The following SLC12A5 variants were observed in gnomAD, a reference collection of about 807,000 sequenced individuals.
SLC12A5 encodes K-Cl cotransporter 2.
SLC12A5 carries 18 observed loss-of-function variants against 124.0 expected under a neutral mutation model. The ratio of observed to expected loss-of-function variants is 0.15; its 90% CI spans 0.10 to 0.22. SLC12A5 has a LOEUF of 0.22. SLC12A5 is among the 10% of genes least tolerant of loss of function. SLC12A5 has a pLI of 1.00. For missense variants in SLC12A5, 867 were observed against 1,478.7 expected (o/e 0.59, Z 6.78); for synonymous variants, 589 against 568.0 (o/e 1.04, Z -0.53).
chr20:46,044,311 G>T (rs1273313508), intron 11 of SLC12A5, among the ~76,000 whole-genome samples: 1 of 152,106 alleles, frequency 6.6e-6, no homozygotes, highest in African/African-American at 2.4e-5. Context: ...TTGTACTGAA[G>T]GAGCTCTTCT....
chr20:46,047,593 G>T lies in SLC12A5; in HGVS notation c.1907+20G>T, dbSNP rs769410582. ...CCGTGGGTGAGTGTGGGGAGTGGAG[G>T]TTGGGGTGGCTGGGGAAGGCTGAAG... On this transcript the variant is annotated intron_variant, in intron 15 of 25. Coordinates refer to ENST00000243964, the MANE Select transcript of SLC12A5 (RefSeq NM_020708.5). 1.9e-6 allele frequency: 3 copies of T among 1,609,724 alleles called. No individual in the cohort carries two copies. Among genetic ancestry groups the T allele is most frequent in the Non-Finnish European group, 2.5e-6 (3 of 1,176,800 alleles).
intron 18 of SLC12A5, 47 bp downstream of exon 18, chr20:46,051,917 C>G: frequency 7.5e-7 from 1 of 1,335,690 alleles, no homozygotes; most frequent in Non-Finnish European, 1.0e-6. Context: ...GGGCTGGGGG[C>G]TGTAGAGGGG....
chr20:46,035,156 T>TCTACCTTCTTCCTTGAGC (rs2084486086), intron 2 of SLC12A5, 114 bp downstream of exon 2: 1 of 1,148,532 alleles, frequency 8.7e-7, no homozygotes, highest in Admixed American at 1.9e-5. Context: ...CTCCCTTGAG[T>TCTACCTTCTTCCTTGAGC]CTACCTTCTT....
rs924622645 is a variant in SLC12A5, at chr20:46,059,399, A to G, written c.*1794A>G. Reference sequence around the variant, plus strand: ...GAGATTCGATCAGGGGACTGGATAGATTCTTTCAGGTACTCAATCAGGAAG... The same window carrying G: ...GAGATTCGATCAGGGGACTGGATAGGTTCTTTCAGGTACTCAATCAGGAAG... On this transcript the variant is annotated 3_prime_UTR_variant, in exon 26 of 26. Transcript: ENST00000243964. 7 of 395,594 alleles carry G rather than the reference A, an allele frequency of 1.8e-5. No homozygotes were observed. Among genetic ancestry groups the G allele is most frequent in the Non-Finnish European group, 2.7e-5 (6 of 224,776 alleles). The allele number at this position is 395,594 out of a possible 1,614,324, so 24.5% of individuals were successfully genotyped here.
chr20:46,043,364 G>T, intron 9 of SLC12A5, 41 bp downstream of exon 9: 1 of 1,597,326 alleles, frequency 6.3e-7, no homozygotes, highest in Non-Finnish European at 8.6e-7. Flanking sequence ...GCCTGTGAGT[G>T]GATGGGGAAG....
chr20:46,058,796 G>A lies in SLC12A5; in HGVS notation c.*1191G>A, dbSNP rs951723063. The A allele has an allele frequency of 1.0e-5, 4 of 398,000 alleles. No individual in the cohort carries two copies. In the Admixed American group the frequency reaches 1.8e-4, roughly 18 times the overall value. The allele number at this position is 398,000 out of a possible 1,614,324, so 24.7% of individuals were successfully genotyped here. Reference sequence around the variant, plus strand: ...GGACCCACTGAGAGGCCCCAGAGCCGCCCGTGATGTTCCTCCCCCGTCCCC... The same window carrying A: ...GGACCCACTGAGAGGCCCCAGAGCCACCCGTGATGTTCCTCCCCCGTCCCC... On this transcript the variant is annotated 3_prime_UTR_variant, in exon 26 of 26. Coordinates refer to ENST00000243964, the MANE Select transcript of SLC12A5 (RefSeq NM_020708.5). This position sits in a 1 kb window ranked among gnomAD's most constrained non-coding sequence, Gnocchi z 5.8.
At chr20:46,022,183 C>A in intron 1 of SLC12A5, 2 of 269,626 alleles carry the variant, frequency 7.4e-6, no homozygotes, top group Non-Finnish European at 1.4e-5. Context: ...ATGGAAAGGC[C>A]GGGGTCAAGG....
exon 2 of SLC12A5, chr20:46,022,947 G>C: frequency 3.0e-6 from 1 of 330,206 alleles, no homozygotes; most frequent in Non-Finnish European, 4.9e-6. Context: ...AGCGAGGGGA[G>C]GAGGAGGAGG....
chr20:46,037,452 C>T, intron 6 of SLC12A5, 67 bp downstream of exon 6: 1 of 1,512,466 alleles, frequency 6.6e-7, no homozygotes, highest in Non-Finnish European at 8.9e-7. Flanking sequence ...GCTCCCTGGA[C>T]ACCTCCTATA....
At chr20:46,040,773 G>C (rs766655380) in intron 7 of SLC12A5, 159 bp downstream of exon 7, 187 of 1,180,046 alleles carry the variant, frequency 1.6e-4, no homozygotes, top group Non-Finnish European at 2.1e-4. Flanking sequence ...TTAGTTTGGG[G>C]GCAATCTCTT....
chr20:46,051,648 G>C (rs748032569), intron 17 of SLC12A5, 27 bp from the exon 18 acceptor site: 131 of 1,591,830 alleles, frequency 8.2e-5, no homozygotes, highest in Non-Finnish European at 1.1e-4. Context: ...GCCTGAGGCT[G>C]GTCCTTGTCT....
chr20:46,035,373 G>A (rs750253909), intron 2 of SLC12A5, 31 bp from the exon 3 acceptor site: 2 of 1,592,638 alleles, frequency 1.3e-6, no homozygotes, highest in African/African-American at 1.3e-5. Context: ...TGCTCCCCCA[G>A]CCTCCTAGCA....
chr20:46,050,671 G>A (rs527474679), intron 17 of SLC12A5, among the ~76,000 whole-genome samples: 2 of 152,348 alleles, frequency 1.3e-5, no homozygotes, highest in South Asian at 2.1e-4. Context: ...TCAACACGCG[G>A]TGGCTGAGAA....
At chr20:46,044,614 T>C in intron 11 of SLC12A5, 1 of 280,414 alleles carries the variant, frequency 3.6e-6, no homozygotes, top group Non-Finnish European at 6.8e-6. Context: ...CCTGGAGCAC[T>C]CATGTCTGAA....
chr20:46,045,189 C>A lies in SLC12A5; in HGVS notation c.1569+49C>A. ...CACCCTCAGTAGACCAGCCAGGCCCCTGCCCAGAGAGACCACACAGTGACC... is the reference window on the plus strand; with the variant it reads ...CACCCTCAGTAGACCAGCCAGGCCCATGCCCAGAGAGACCACACAGTGACC... On this transcript the variant is annotated intron_variant, in intron 12 of 25. Coordinates refer to ENST00000243964, the MANE Select transcript of SLC12A5 (RefSeq NM_020708.5). The surrounding 1 kb of genome is among the most constrained non-coding windows in gnomAD (Gnocchi z 4.9). 2 of 1,516,270 alleles carry A rather than the reference C, an allele frequency of 1.3e-6. No individual in the cohort carries two copies. Among genetic ancestry groups the A allele is most frequent in the African/African-American group, 1.4e-5 (1 of 72,272 alleles). 93.9% of individuals were successfully genotyped at this position (1,516,270 alleles called of 1,614,324 possible). A position where few individuals can be genotyped will look rare whatever the true frequency, so the allele number is the denominator to read the frequency against.
chr20:46,023,495 T>C, exon 3 of SLC12A5: 1 of 398,768 alleles, frequency 2.5e-6, no homozygotes, highest in Non-Finnish European at 4.4e-6. Context: ...CCACATCCTC[T>C]CCACTGGCCT....
intron 11 of SLC12A5, among the ~76,000 whole-genome samples, chr20:46,044,366 G>A (rs73297283): frequency 2.6e-5 from 4 of 152,240 alleles, no homozygotes; most frequent in African/African-American, 7.2e-5. Flanking sequence ...CAGTCGGTAG[G>A]GGTGGCCATA....
chr20:46,024,730 A>G (rs775205567), upstream of SLC12A5, among the ~76,000 whole-genome samples: 7 of 152,254 alleles, frequency 4.6e-5, no homozygotes, highest in Non-Finnish European at 1.0e-4. Flanking sequence ...GGCAAGGCCA[A>G]GCCTCAAATC....
At chr20:46,033,985 C>T (rs2084475600) in intron 1 of SLC12A5, among the ~76,000 whole-genome samples, 1 of 152,086 alleles carries the variant, frequency 6.6e-6, no homozygotes, top group South Asian at 2.1e-4. Context: ...AATGACTCCC[C>T]ATTGCCCTCT....
Sources: allele counts gnomAD v4.1 joint callset (sites outside exome capture counted in the v4.1 genomes callset), GRCh38; gene constraint gnomAD v4.1.1; non-coding constraint Gnocchi (gnomAD v3.1); transcripts MANE v1.5; gene names NCBI Gene and HGNC (gene_info 2026-07-23, HGNC 2026-07-21).